Variants in NPIPB6 observed in about 807,000 individuals in gnomAD.
NPIPB6 encodes the protein nuclear pore complex interacting protein family member B6, also known as nuclear pore complex-interacting protein family member B6.
Under a neutral mutation model 20.0 loss-of-function variants are expected in NPIPB6, and 2 were observed. The observed-to-expected ratio is 0.10, with a 90% CI of 0.04 to 0.31. NPIPB6 has a LOEUF of 0.31. NPIPB6 is among the 10% of genes least tolerant of loss of function. NPIPB6 has a pLI of 1.00. For missense variants in NPIPB6, 96 were observed against 293.7 expected (o/e 0.33, Z 4.92); for synonymous variants, 35 against 116.3 (o/e 0.30, Z 4.50).
At chr16:28,349,425 G>C (rs370416604) in intron 2 of NPIPB6, among the ~76,000 whole-genome samples, 184 bp from the exon 4 acceptor site, 2,772 of 78,846 alleles carry the variant, frequency 0.035, 164 homozygotes, top group East Asian at 0.12. Context: ...GGCAGCGGGC[G>C]CCTGTAATCC....
intron 2 of NPIPB6, among the ~76,000 whole-genome samples, chr16:28,350,195 C>CAA (rs1196457118): frequency 2.3e-5 from 1 of 42,682 alleles, no homozygotes; most frequent in Non-Finnish European, 4.9e-5. Flanking sequence ...GACTCCGTCT[C>CAA]AAAAAAAAAA....
intron 2 of NPIPB6, among the ~76,000 whole-genome samples, chr16:28,349,753 T>C (rs1240637219): frequency 9.0e-6 from 1 of 110,844 alleles, no homozygotes; most frequent in Non-Finnish European, 2.0e-5. Flanking sequence ...CCAGGCATGG[T>C]GGTGCATGCC....
intron 1 of NPIPB6, among the ~76,000 whole-genome samples, chr16:28,359,120 C>T (rs1377735284): frequency 2.1e-5 from 3 of 141,394 alleles, no homozygotes; most frequent in African/African-American, 5.6e-5. Flanking sequence ...CCCTAGATTT[C>T]GGTTGTGTTG....
At chr16:28,359,077 ACT>A (rs1027858228) in intron 1 of NPIPB6, among the ~76,000 whole-genome samples, 3 of 121,780 alleles carry the variant, frequency 2.5e-5, no homozygotes, top group Admixed American at 8.6e-5. Context: ...ATGGAATGAG[ACT>A]CTGTCTCAAA....
chr16:28,350,293 C>A (rs201726363), intron 2 of NPIPB6, among the ~76,000 whole-genome samples: 170 of 90,200 alleles, frequency 1.9e-3, no homozygotes, highest in African/African-American at 5.5e-3. Context: ...TAAGTATTTT[C>A]CCACAGGTTA....
intron 6 of NPIPB6, 60 bp from the exon 8 acceptor site, chr16:28,343,248 C>A: frequency 8.6e-7 from 1 of 1,167,746 alleles, no homozygotes; most frequent in South Asian, 1.2e-5. Flanking sequence ...AAAATTACCA[C>A]CACCAACACA....
chr16:28,342,664 C>G (rs1181187310), exon 7 of NPIPB6: 2 of 1,546,244 alleles, frequency 1.3e-6, no homozygotes, highest in East Asian at 2.5e-5. Context: ...TCAGCTTACT[C>G]AACCTCCGCC....
At chr16:28,356,338 T>A (rs1361836615) in intron 1 of NPIPB6, among the ~76,000 whole-genome samples, 22 of 59,124 alleles carry the variant, frequency 3.7e-4, no homozygotes, top group Admixed American at 1.1e-3. Flanking sequence ...CAGGCCCGAC[T>A]AATCTTTTTT....
chr16:28,350,190 C>T (rs1412172172), intron 2 of NPIPB6, among the ~76,000 whole-genome samples: 6 of 100,258 alleles, frequency 6.0e-5, no homozygotes, highest in African/African-American at 1.0e-4. Context: ...AGTGAGACTC[C>T]GTCTCAAAAA....
At chr16:28,342,952 A>G (rs780595689) in exon 7 of NPIPB6, 1 of 1,590,282 alleles carries the variant, frequency 6.3e-7, no homozygotes, top group African/African-American at 1.4e-5. Flanking sequence ...GTGGAAGAGG[A>G]GAGGGTGGAA....
rs1468759360 is a variant in NPIPB6, at chr16:28,349,546, GTCACACACAC to G, written c.304-315_304-306del. ...AGCCTGAGCGACAGAATGAGACTCT[GTCACACACAC>G]ACACACACACACACACACACACACA... On this transcript the variant is annotated intron_variant, in intron 2 of 6. Coordinates refer to ENST00000532254, the Ensembl canonical transcript of NPIPB6. Among the ~76,000 whole-genome samples, 3 of 82,060 alleles carry G rather than the reference GTCACACACAC, an allele frequency of 3.7e-5. 1 individual carries two copies. Among genetic ancestry groups the G allele is most frequent in the African/African-American group, 1.3e-4 (3 of 23,818 alleles). 53.8% of individuals were successfully genotyped at this position (82,060 alleles called of 152,430 possible). A position where few individuals can be genotyped will look rare whatever the true frequency, so the allele number is the denominator to read the frequency against.
At chr16:28,342,690 A>C (rs2045002502) in exon 7 of NPIPB6, 1 of 1,547,448 alleles carries the variant, frequency 6.5e-7, no homozygotes, top group African/African-American at 1.4e-5. Flanking sequence ...GGTTTGGGTA[A>C]TTGTTGTGCC....
intron 1 of NPIPB6, among the ~76,000 whole-genome samples, chr16:28,360,135 C>T (rs1236708937): frequency 4.7e-5 from 6 of 128,518 alleles, no homozygotes; most frequent in Non-Finnish European, 3.6e-5. Context: ...AATACATGCA[C>T]GACACGGGGG....
At chr16:28,360,174 A>C (rs1266398343) in intron 1 of NPIPB6, among the ~76,000 whole-genome samples, 1 of 126,896 alleles carries the variant, frequency 7.9e-6, no homozygotes, top group Non-Finnish European at 1.8e-5. Flanking sequence ...AATAGTTCAC[A>C]ACCTCCAGCC....
At chr16:28,360,247 G>A (rs1405705237) in intron 1 of NPIPB6, among the ~76,000 whole-genome samples, 2 of 125,812 alleles carry the variant, frequency 1.6e-5, no homozygotes, top group African/African-American at 2.8e-5. Flanking sequence ...GAAAGACAGT[G>A]CCTGGATTTA....
chr16:28,362,848 C>T lies in NPIPB6; in HGVS notation c.-26G>A, dbSNP rs775830888. ...TTGCAGAATGAGAACAGGGGCTCAT[C>T]ATGAGTGCCAACCTATTAGATAATT... On this transcript the variant is annotated 5_prime_UTR_variant, in exon 1 of 7. The change abolishes an upstream ATG in the 5' untranslated region. Transcript: ENST00000532254. 2.7e-6 allele frequency: 4 copies of T among 1,493,614 alleles called. No homozygotes were observed. The highest frequency in any genetic ancestry group is 1.8e-6 in the Non-Finnish European group (2 of 1,110,934). The allele number at this position is 1,493,614 out of a possible 1,614,324, so 92.5% of individuals were successfully genotyped here.
rs1359534487 is a variant in NPIPB6, at chr16:28,349,888, TC to T, written c.304-648del. Among the ~76,000 whole-genome samples the T allele has an allele frequency of 9.9e-5, 2 of 20,298 alleles. 1 individual carries two copies. The highest frequency in any genetic ancestry group is 1.8e-4 in the Non-Finnish European group (2 of 11,416). The allele number at this position is 20,298 out of a possible 152,430, so 13.3% of individuals were successfully genotyped here. ...TGGGCAACAAAATTGAAACTCTGTC[TC>T]AAAAAAAAAAAAAAAAAAAAAAAAA... On this transcript the variant is annotated intron_variant, in intron 2 of 6. Transcript: ENST00000532254.
exon 7 of NPIPB6, chr16:28,343,012 G>A: frequency 1.3e-6 from 2 of 1,530,192 alleles, no homozygotes; most frequent in South Asian, 2.2e-5. Flanking sequence ...AGGGTGGAAG[G>A]GGAGTGAGCA....
chr16:28,359,013 C>T (rs1193332134), intron 1 of NPIPB6, among the ~76,000 whole-genome samples: 4 of 109,298 alleles, frequency 3.7e-5, no homozygotes, highest in East Asian at 3.3e-4. Flanking sequence ...ACCCGGGAGG[C>T]GGAGGTTGCA....
Sources: gnomAD v4.1 joint callset for allele counts (sites outside exome capture counted in the v4.1 genomes callset) on GRCh38, gnomAD v4.1.1 for gene constraint, MANE v1.5 for transcripts, NCBI Gene and HGNC (gene_info 2026-07-23, HGNC 2026-07-21) for gene names.